Variants in NRXN3 observed in about 807,000 individuals in gnomAD.
The protein encoded by NRXN3 is neurexin III.
NRXN3 carries 32 observed loss-of-function variants against 137.6 expected under a neutral mutation model. The observed-to-expected ratio is 0.23, with a 90% CI of 0.18 to 0.31. The LOEUF is 0.31. Ranked by LOEUF, NRXN3 falls within the 10% of genes least tolerant of loss-of-function variation. NRXN3 has a pLI of 1.00. For synonymous variants in NRXN3, 798 were observed against 784.5 expected (o/e 1.02, Z -0.29); for missense variants, 1,574 against 2,062.5 (o/e 0.76, Z 4.59).
chr14:79,792,734 A>G (rs1325598051), intron 19 of NRXN3, among the ~76,000 whole-genome samples: 1 of 152,228 alleles, frequency 6.6e-6, no homozygotes, highest in Non-Finnish European at 1.5e-5. Flanking sequence ...AAGGCCGCCC[A>G]CTTTTCCTAA....
At chr14:79,776,064 G>T (rs965856963) in intron 19 of NRXN3, among the ~76,000 whole-genome samples, 17 of 152,122 alleles carry the variant, frequency 1.1e-4, no homozygotes, top group African/African-American at 3.9e-4. Context: ...CTAGAAATAT[G>T]GGGTGGGAGT....
intron 19 of NRXN3, among the ~76,000 whole-genome samples, chr14:79,722,605 A>G (rs1038990240): frequency 1.3e-5 from 2 of 152,226 alleles, no homozygotes; most frequent in Non-Finnish European, 2.9e-5. Flanking sequence ...CACTCTTTCT[A>G]AAATGCCAAT....
Position 79,203,688 on chromosome 14 carries a change from T to C in NRXN3, c.3262+215547T>C, listed in dbSNP as rs554865855. On this transcript the variant is annotated intron_variant, in intron 15 of 20. Transcript: ENST00000335750. Reference sequence around the variant, plus strand: ...CAAAATGTGTGCTAAAGCTTTGCAATAATAGACAACTTAATTTCTGAGCTT... The same window carrying C: ...CAAAATGTGTGCTAAAGCTTTGCAACAATAGACAACTTAATTTCTGAGCTT... Among the ~76,000 whole-genome samples the C allele has an allele frequency of 2.0e-5, 3 of 152,296 alleles. No individual in the cohort carries two copies. In the East Asian group the frequency reaches 5.8e-4, roughly 29 times the overall value.
intron 8 of NRXN3, among the ~76,000 whole-genome samples, chr14:78,729,805 G>C (rs780933749): frequency 6.6e-6 from 1 of 152,082 alleles, no homozygotes; most frequent in Non-Finnish European, 1.5e-5. Context: ...TTCTCTAGAC[G>C]GGGAGCCATC....
At chr14:79,254,915 T>C (rs1456543903) in intron 15 of NRXN3, among the ~76,000 whole-genome samples, 5 of 151,370 alleles carry the variant, frequency 3.3e-5, no homozygotes, top group African/African-American at 1.2e-4. Context: ...CCCTCCTTTC[T>C]AGTAGATGTC....
chr14:79,810,372 C>CCAGAGGGCA (rs1425817800), intron 20 of NRXN3, among the ~76,000 whole-genome samples: 1 of 152,154 alleles, frequency 6.6e-6, no homozygotes, highest in Non-Finnish European at 1.5e-5. Context: ...AGCACTTCCA[C>CCAGAGGGCA]CAGAGGGCAG....
intron 4 of NRXN3, among the ~76,000 whole-genome samples, chr14:78,510,719 CT>C (rs1483917514): frequency 1.3e-5 from 2 of 152,104 alleles, no homozygotes; most frequent in African/African-American, 4.8e-5. Context: ...CAATCTCTTG[CT>C]TTTTTCCTGA....
intron 15 of NRXN3, among the ~76,000 whole-genome samples, chr14:79,198,359 G>A (rs1046115908): frequency 6.6e-6 from 1 of 152,176 alleles, no homozygotes; most frequent in African/African-American, 2.4e-5. Context: ...ACCAACAAGT[G>A]TCAGAGCATA....
chr14:79,237,490 C>T (rs555487088), intron 15 of NRXN3, among the ~76,000 whole-genome samples: 1 of 152,126 alleles, frequency 6.6e-6, no homozygotes, highest in African/African-American at 2.4e-5. Context: ...AGGTGATATG[C>T]TGTGGAAGGC....
intron 20 of NRXN3, among the ~76,000 whole-genome samples, chr14:79,846,967 A>T (rs2049826): frequency 8.6e-5 from 13 of 152,002 alleles, no homozygotes; most frequent in African/African-American, 2.7e-4. Context: ...TTAACCTCAC[A>T]GGGCAGATTT....
intron 16 of NRXN3, among the ~76,000 whole-genome samples, chr14:79,620,238 A>G (rs1038745321): frequency 1.3e-5 from 2 of 152,176 alleles, no homozygotes; most frequent in African/African-American, 4.8e-5. Context: ...ATAGAATGGT[A>G]GTTAGTAATA....
chr14:79,718,848 C>T (rs541129745), intron 19 of NRXN3, among the ~76,000 whole-genome samples: 17 of 152,176 alleles, frequency 1.1e-4, no homozygotes, highest in Non-Finnish European at 2.4e-4. Flanking sequence ...CTTTTTCTCT[C>T]TGTTGTGTTC....
rs567528732 is a variant in NRXN3 at position 78,641,724 on chromosome 14, A to G, written c.758-3396A>G. The stretch of plus-strand genomic sequence containing the variant: ...AGAAAATTCTTCACTGGATGAAAAG[A>G]TGGGGAAGGTTGTGAATGGTTACAG... On this transcript the variant is annotated intron_variant, in intron 4 of 20. Coordinates refer to ENST00000335750, the MANE Select transcript of NRXN3 (RefSeq NM_001330195.2). Among the ~76,000 whole-genome samples, 3 of 152,312 alleles carry G rather than the reference A, an allele frequency of 2.0e-5. No individual in the cohort carries two copies. The South Asian group carries it at 6.2e-4, about 32-fold the overall frequency.
chr14:78,259,024 T>C (rs938364393), intron 2 of NRXN3, among the ~76,000 whole-genome samples: 11 of 150,502 alleles, frequency 7.3e-5, no homozygotes, highest in Admixed American at 2.7e-4. Context: ...CCCAGCTACT[T>C]GGGAGGCTGA....
At chr14:79,639,229 CTTTTA>C (rs1008346202) in intron 16 of NRXN3, among the ~76,000 whole-genome samples, 6 of 152,106 alleles carry the variant, frequency 3.9e-5, no homozygotes, top group Non-Finnish European at 7.4e-5. Context: ...CTTTTTTAAA[CTTTTA>C]TTTTAGGTTC....
intron 16 of NRXN3, among the ~76,000 whole-genome samples, chr14:79,520,212 T>C (rs1404615125): frequency 6.6e-6 from 1 of 152,196 alleles, no homozygotes; most frequent in Non-Finnish European, 1.5e-5. Flanking sequence ...CGCTGATTTA[T>C]TTTTGTTTGC....
intron 16 of NRXN3, among the ~76,000 whole-genome samples, chr14:79,562,458 A>G (rs10148779): frequency 0.12 from 18,616 of 152,136 alleles, 1,630 homozygotes; most frequent in African/African-American, 0.26. Flanking sequence ...TTGGCACCAT[A>G]AGAACTACCA....
intron 20 of NRXN3, among the ~76,000 whole-genome samples, chr14:79,856,389 G>A (rs1351052238): frequency 6.6e-6 from 1 of 152,208 alleles, no homozygotes; most frequent in Admixed American, 6.5e-5. Flanking sequence ...GGGGGGAAAA[G>A]AATTATTTCC....
intron 16 of NRXN3, among the ~76,000 whole-genome samples, chr14:79,546,493 T>G (rs1276920161): frequency 6.6e-6 from 1 of 152,180 alleles, no homozygotes; most frequent in Non-Finnish European, 1.5e-5. Flanking sequence ...ATTAAGCAAA[T>G]GTAAGATGTT....
Sources: allele counts gnomAD v4.1 joint callset (sites outside exome capture counted in the v4.1 genomes callset), GRCh38; gene constraint gnomAD v4.1.1; transcripts MANE v1.5; gene names NCBI Gene and HGNC (gene_info 2026-07-23, HGNC 2026-07-21).